AK5: variants seen among roughly 807,000 people sequenced by gnomAD.
The protein encoded by AK5 is adenylate kinase 5.
A neutral mutation model predicts 69.5 loss-of-function variants in AK5; 27 were observed. The ratio of observed to expected loss-of-function variants is 0.39; its 90% CI spans 0.29 to 0.54. The LOEUF is 0.54. Ranked by LOEUF, AK5 falls within the 20% of genes least tolerant of loss-of-function variation. The pLI is 0.71. For synonymous variants in AK5, 260 were observed against 244.4 expected (o/e 1.06, Z -0.60); for missense variants, 531 against 700.4 (o/e 0.76, Z 2.73).
chr1:77,384,822 C>T (rs892522093), intron 6 of AK5, among the ~76,000 whole-genome samples: 7 of 151,980 alleles, frequency 4.6e-5, no homozygotes, highest in Admixed American at 2.0e-4. Context: ...TTCTAGGATT[C>T]GGTAATGATG....
intron 5 of AK5, among the ~76,000 whole-genome samples, chr1:77,304,798 T>C (rs888990201): frequency 1.3e-5 from 2 of 152,252 alleles, no homozygotes; most frequent in African/African-American, 4.8e-5. Flanking sequence ...GCAACAAACA[T>C]AGGAATGCAG....
At chr1:77,323,056 C>T (rs1660615536) in intron 5 of AK5, among the ~76,000 whole-genome samples, 1 of 151,796 alleles carries the variant, frequency 6.6e-6, no homozygotes, top group Non-Finnish European at 1.5e-5. Flanking sequence ...GGCACAATCT[C>T]GGCTCATTGC....
At chr1:77,381,716 AT>A (rs1185232165) in intron 6 of AK5, among the ~76,000 whole-genome samples, 2 of 152,170 alleles carry the variant, frequency 1.3e-5, no homozygotes, top group African/African-American at 2.4e-5. Flanking sequence ...AGGTAACTCT[AT>A]TTTATCATTA....
Position 77,511,242 on chromosome 1 carries a change from C to T in AK5, c.1148-7322C>T, listed in dbSNP as rs1389816160. On this transcript the variant is annotated intron_variant, in intron 10 of 13. Transcript: ENST00000354567. Reference sequence around the variant, plus strand: ...TCCTTATTGTGTGGACTGGGGAAAACTGAGCATGACATTACACAGAAAAGA... The same window carrying T: ...TCCTTATTGTGTGGACTGGGGAAAATTGAGCATGACATTACACAGAAAAGA... Among the ~76,000 whole-genome samples, 3 of 152,084 alleles carry T rather than the reference C, an allele frequency of 2.0e-5. No individual in the cohort carries two copies. In the East Asian group the frequency reaches 5.8e-4, roughly 29 times the overall value.
At chr1:77,489,895 C>T (rs1351565436) in intron 10 of AK5, among the ~76,000 whole-genome samples, 1 of 152,098 alleles carries the variant, frequency 6.6e-6, no homozygotes, top group Non-Finnish European at 1.5e-5. Context: ...TTGAGCTTGT[C>T]GCACTTTGCC....
At chr1:77,445,473 C>T (rs1039189519) in intron 8 of AK5, among the ~76,000 whole-genome samples, 21 of 152,144 alleles carry the variant, frequency 1.4e-4, no homozygotes, top group Non-Finnish European at 7.4e-5. Flanking sequence ...TTGTAATCAG[C>T]TTATATATTT....
chr1:77,504,715 C>G (rs1199590780), intron 10 of AK5, among the ~76,000 whole-genome samples: 1 of 152,162 alleles, frequency 6.6e-6, no homozygotes, highest in Non-Finnish European at 1.5e-5. Context: ...CCTCAGAAAT[C>G]TCCCTTGTGT....
intron 12 of AK5, among the ~76,000 whole-genome samples, chr1:77,523,802 A>G (rs561991082): frequency 6.6e-6 from 1 of 152,036 alleles, no homozygotes; most frequent in Admixed American, 6.6e-5. Context: ...CTCCTGAGCA[A>G]CTGGGACTGC....
In AK5 at chr1:77,475,195, A is replaced by ATATATATATATATG. The variant is rs1182380859; in HGVS notation, c.1060-8121_1060-8120insATATATATATATGT. ...TATATATATATATATATATATATAT[A>ATATATATATATATG]TGTGTGTGTGTGTGTGTGTATTCTA... is the stretch of plus-strand genomic sequence containing the variant. On this transcript the variant is annotated intron_variant, in intron 8 of 13. Coordinates refer to ENST00000354567, the MANE Select transcript of AK5 (RefSeq NM_174858.3). 3.8e-4 allele frequency among the ~76,000 whole-genome samples: 11 copies of ATATATATATATATG among 29,152 alleles called. No homozygotes were observed. The East Asian group carries it at 4.0e-3, about 11-fold the overall frequency. 19.1% of individuals were successfully genotyped at this position (29,152 alleles called of 152,430 possible). A position where few individuals can be genotyped will look rare whatever the true frequency, so the allele number is the denominator to read the frequency against.
chr1:77,550,960 T>C (rs867122880), intron 13 of AK5, among the ~76,000 whole-genome samples: 2 of 152,310 alleles, frequency 1.3e-5, no homozygotes, highest in South Asian at 2.1e-4. Context: ...GCAGATCACC[T>C]GAGGTCAGGA....
intron 12 of AK5, among the ~76,000 whole-genome samples, chr1:77,535,572 C>CA (rs1355612788): frequency 6.6e-6 from 1 of 152,170 alleles, no homozygotes; most frequent in African/African-American, 2.4e-5. Context: ...CAGAAGAAGA[C>CA]AGACAGTGGC....
At chr1:77,541,332 G>T (rs1238202242) in intron 13 of AK5, among the ~76,000 whole-genome samples, 3 of 152,278 alleles carry the variant, frequency 2.0e-5, no homozygotes, top group African/African-American at 7.2e-5. Context: ...ACTAAGGTGG[G>T]AGGATTATTT....
intron 6 of AK5, among the ~76,000 whole-genome samples, chr1:77,387,535 T>A (rs1357817610): frequency 2.0e-5 from 3 of 152,224 alleles, no homozygotes; most frequent in African/African-American, 7.2e-5. Flanking sequence ...ATTTAGAGCA[T>A]CTTCGTGACA....
chr1:77,554,964 T>C (rs1660016977), intron 13 of AK5, among the ~76,000 whole-genome samples: 1 of 151,990 alleles, frequency 6.6e-6, no homozygotes, highest in South Asian at 2.1e-4. Context: ...ATTTGCTGTG[T>C]ACCCATATTT....
At chr1:77,456,500 G>A (rs1314218850) in intron 8 of AK5, among the ~76,000 whole-genome samples, 1 of 152,244 alleles carries the variant, frequency 6.6e-6, no homozygotes, top group Non-Finnish European at 1.5e-5. Flanking sequence ...AGCTTGGGCT[G>A]GGGCTCAGGG....
At chr1:77,470,479 T>C (rs1321739971) in intron 8 of AK5, among the ~76,000 whole-genome samples, 1 of 152,180 alleles carries the variant, frequency 6.6e-6, no homozygotes, top group African/African-American at 2.4e-5. Context: ...CACTCCAGCC[T>C]GGATGACAGA....
chr1:77,548,992 T>C lies in AK5; in HGVS notation c.1621-9610T>C, dbSNP rs182604788. On this transcript the variant is annotated intron_variant, in intron 13 of 13. Transcript: ENST00000354567. The stretch of plus-strand genomic sequence containing the variant: ...TCGGGGTCAAGCGATTCTCCTGCCT[T>C]AGCCTCCCGAGTAGCAGGAATTACA... 1.3e-3 allele frequency among the ~76,000 whole-genome samples: 201 copies of C among 150,052 alleles called. 1 individual carries two copies. Among genetic ancestry groups the C allele is most frequent in the African/African-American group, 4.7e-3 (193 of 40,882 alleles).
intron 6 of AK5, among the ~76,000 whole-genome samples, chr1:77,385,640 G>T (rs996591994): frequency 6.6e-6 from 1 of 152,172 alleles, no homozygotes; most frequent in Admixed American, 6.5e-5. Context: ...ATGAATGCAG[G>T]TGCAATATAC....
intron 8 of AK5, among the ~76,000 whole-genome samples, chr1:77,460,870 C>T (rs1653791144): frequency 2.0e-5 from 3 of 151,610 alleles, no homozygotes; most frequent in African/African-American, 4.8e-5. Context: ...ATTACAGGCA[C>T]GTACCACCAT....
Sources: allele counts gnomAD v4.1 joint callset (sites outside exome capture counted in the v4.1 genomes callset), GRCh38; gene constraint gnomAD v4.1.1; transcripts MANE v1.5; gene names NCBI Gene and HGNC (gene_info 2026-07-23, HGNC 2026-07-21).